Variants in ATG16L1 observed in about 807,000 individuals in gnomAD.
ATG16L1 encodes the protein autophagy-related protein 16-1.
In ATG16L1, 37 loss-of-function variants were observed where a neutral mutation model predicts 88.5. The observed-to-expected ratio is 0.42, with a 90% CI of 0.32 to 0.55. The LOEUF is 0.55. Ranked by LOEUF, ATG16L1 falls within the 20% of genes least tolerant of loss-of-function variation. The probability of loss-of-function intolerance (pLI) is 0.13; values close to 1 mark genes in which losing one functional copy is unlikely to be tolerated. For synonymous variants in ATG16L1, 301 were observed against 281.0 expected, an observed-to-expected ratio of 1.07 and a Z score of -0.71; for missense variants, 554 against 752.8, an observed-to-expected ratio of 0.74 and a Z score of 3.09.
intron 5 of ATG16L1, among the ~76,000 whole-genome samples, chr2:233,268,802 A>G (rs1697782538): frequency 6.6e-6 from 1 of 152,222 alleles, no homozygotes; most frequent in Non-Finnish European, 1.5e-5. Flanking sequence ...GCACTTTTTA[A>G]GCTATACCCA....
intron 1 of ATG16L1, 40 bp downstream of exon 1, chr2:233,251,982 G>T (rs1370366637): frequency 2.7e-6 from 4 of 1,473,378 alleles, no homozygotes; most frequent in Non-Finnish European, 1.8e-6. Flanking sequence ...GGGCGGGCGG[G>T]CCCCGCGGAG....
At chr2:233,258,234 T>C (rs1249513665) in intron 2 of ATG16L1, among the ~76,000 whole-genome samples, 3 of 152,208 alleles carry the variant, frequency 2.0e-5, no homozygotes, top group Middle Eastern at 3.2e-3. Context: ...ATTATTGCTC[T>C]GAAATCTCCA....
At position 233,292,119 on chromosome 2, in the gene ATG16L1, C is replaced by T. The variant is rs1239499428; in HGVS notation, c.1431-9C>T. ...ACGTTACATTTCTCAGATCTGTTCT[C>T]CCTCTTAGATCAGAGAGCATAGTTC... is the stretch of plus-strand genomic sequence containing the variant. On this transcript the variant is annotated splice_polypyrimidine_tract_variant and intron_variant, in intron 14 of 17. Coordinates refer to ENST00000392017, the MANE Select transcript of ATG16L1 (RefSeq NM_030803.7). 1 of 1,614,012 alleles carries T rather than the reference C, an allele frequency of 6.2e-7. No individual in the cohort carries two copies. Among genetic ancestry groups the T allele is most frequent in the Non-Finnish European group, 8.5e-7 (1 of 1,179,922 alleles).
At chr2:233,252,046 G>T (rs1406145447) in intron 1 of ATG16L1, 104 bp downstream of exon 1, 2 of 1,001,298 alleles carry the variant, frequency 2.0e-6, no homozygotes, top group East Asian at 3.2e-5. Flanking sequence ...CCGCCCGCAC[G>T]CATGGCGGCC....
chr2:233,282,240 G>C (rs1029354381), intron 11 of ATG16L1, among the ~76,000 whole-genome samples: 2 of 152,192 alleles, frequency 1.3e-5, no homozygotes, highest in African/African-American at 2.4e-5. Flanking sequence ...AGATGCAGAA[G>C]GCCCAGGTGG....
intron 2 of ATG16L1, among the ~76,000 whole-genome samples, chr2:233,260,880 AT>A (rs1559380050): frequency 6.6e-6 from 1 of 152,124 alleles, no homozygotes; most frequent in Non-Finnish European, 1.5e-5. Flanking sequence ...GTCTGGGGAA[AT>A]CTTTGCCTCT....
At chr2:233,258,406 C>CAT (rs1334854710) in intron 2 of ATG16L1, among the ~76,000 whole-genome samples, 2 of 152,234 alleles carry the variant, frequency 1.3e-5, no homozygotes, top group Non-Finnish European at 2.9e-5. Context: ...TACCAGAGAA[C>CAT]AGATGGCTTG....
chr2:233,287,100 A>G (rs908700356), intron 12 of ATG16L1, among the ~76,000 whole-genome samples: 2 of 152,170 alleles, frequency 1.3e-5, no homozygotes, highest in African/African-American at 4.8e-5. Flanking sequence ...ACTCTTAAAG[A>G]AAGGGAGGTG....
At chr2:233,285,816 T>C (rs1288529834) in intron 12 of ATG16L1, among the ~76,000 whole-genome samples, 1 of 152,210 alleles carries the variant, frequency 6.6e-6, no homozygotes, top group Non-Finnish European at 1.5e-5. Context: ...ATCCATGCCC[T>C]GTTCGGTGTC....
chr2:233,257,377 C>G (rs1429481091), intron 2 of ATG16L1, among the ~76,000 whole-genome samples: 1 of 152,182 alleles, frequency 6.6e-6, no homozygotes, highest in Non-Finnish European at 1.5e-5. Context: ...GATACACTTT[C>G]AGTAGGACTG....
intron 1 of ATG16L1, 52 bp downstream of exon 1, chr2:233,251,994 C>T (rs1429344165): frequency 2.8e-6 from 4 of 1,422,550 alleles, no homozygotes; most frequent in Non-Finnish European, 2.8e-6. Context: ...CCCGCGGAGG[C>T]ATGCGGGGCG....
intron 12 of ATG16L1, among the ~76,000 whole-genome samples, chr2:233,284,217 C>T (rs955215235): frequency 7.3e-5 from 11 of 150,514 alleles, no homozygotes; most frequent in African/African-American, 1.2e-4. Context: ...GACGTGATCT[C>T]GGCTCACTGC....
At chr2:233,289,810 G>A in intron 12 of ATG16L1, 44 bp from the exon 13 acceptor site, 1 of 1,602,774 alleles carries the variant, frequency 6.2e-7, no homozygotes, top group Non-Finnish European at 8.5e-7. Flanking sequence ...CATAGGCAGG[G>A]CCTGGCGCCC....
At chr2:233,274,225 C>T (rs1425113490) in intron 8 of ATG16L1, 9 of 596,578 alleles carry the variant, frequency 1.5e-5, no homozygotes, top group East Asian at 2.8e-5. Context: ...GTACAGTACT[C>T]ATGCTCTTGT....
At chr2:233,258,727 C>T (rs1696987368) in intron 2 of ATG16L1, among the ~76,000 whole-genome samples, 2 of 152,292 alleles carry the variant, frequency 1.3e-5, no homozygotes, top group Admixed American at 6.5e-5. Context: ...GGCAGGGTCT[C>T]TCTCTGTTGC....
In ATG16L1 at chr2:233,274,254, G is replaced by A. The variant is rs1012386836; in HGVS notation, c.852-422G>A. ...CTCTTGTTGCTTTCTTTTGGCATGC[G>A]TTAGACTCCACATTGATCACAAGTG... On this transcript the variant is annotated intron_variant, in intron 8 of 17. Transcript: ENST00000392017. 28 of 557,566 alleles carry A rather than the reference G, an allele frequency of 5.0e-5. 1 individual carries two copies. Among genetic ancestry groups the A allele is most frequent in the South Asian group, 7.9e-5 (3 of 37,950 alleles). The allele number at this position is 557,566 out of a possible 1,614,324, so 34.5% of individuals were successfully genotyped here. A position where few individuals can be genotyped will look rare whatever the true frequency, so the allele number is the denominator to read the frequency against.
Position 233,282,699 on chromosome 2 carries a change from A to T in ATG16L1, c.1149A>T (p.Ala383=). ...TCCCACAGGGATCTTACCTCTTAGC[A>T]GCTTCAAATGATTTTGCAAGCCGAA... ...EFDSAGSYLL[A]ASNDFASRIW... is the part of the protein sequence containing the mutation. The change falls in exon 12 of 18, where the codon GCA becomes GCT. Residue 383 remains alanine (A), a synonymous_variant. Coordinates refer to ENST00000392017, the MANE Select transcript of ATG16L1 (RefSeq NM_030803.7). 6.2e-7 allele frequency: 1 copy of T among 1,614,124 alleles called. No homozygotes were observed. The highest frequency in any genetic ancestry group is 2.2e-5 in the East Asian group (1 of 44,884).
Position 233,265,090 on chromosome 2 carries a change from T to G in ATG16L1, c.588T>G (p.Ala196=). The G allele has an allele frequency of 6.2e-7, 1 of 1,614,118 alleles. No homozygotes were observed. The highest frequency in any genetic ancestry group is 8.5e-7 in the Non-Finnish European group (1 of 1,180,020). ...AGGAGCTGGTCACCAGATGGATGGCTGAGAAAGCCCAGGAAGCCAATCGGC... is the reference window on the plus strand; with the variant it reads ...AGGAGCTGGTCACCAGATGGATGGCGGAGAAAGCCCAGGAAGCCAATCGGC... ...ENQELVTRWM[A]EKAQEANRLN... is the part of the protein sequence containing the mutation. The change falls in exon 5 of 18, where the codon GCT becomes GCG. Residue 196 remains alanine (A), a synonymous_variant. Coordinates refer to ENST00000392017, the MANE Select transcript of ATG16L1 (RefSeq NM_030803.7).
chr2:233,259,982 G>A (rs149365288), intron 2 of ATG16L1, among the ~76,000 whole-genome samples: 11 of 152,316 alleles, frequency 7.2e-5, no homozygotes, highest in Non-Finnish European at 1.6e-4. Flanking sequence ...GTAAGCCAGA[G>A]TCCCTGCTCT....
Sources: allele counts gnomAD v4.1 joint callset (sites outside exome capture counted in the v4.1 genomes callset), GRCh38; gene constraint gnomAD v4.1.1; transcripts MANE v1.5; gene names NCBI Gene and HGNC (gene_info 2026-07-23, HGNC 2026-07-21).